The following CDH18 variants were observed in gnomAD, a reference collection of about 807,000 sequenced individuals.
CDH18 encodes cadherin-18.
In CDH18, 31 loss-of-function variants were observed where a neutral mutation model predicts 67.9. That is an observed-to-expected ratio of 0.46 (90% CI 0.34 to 0.62). The LOEUF (loss-of-function observed/expected upper bound fraction) is 0.62. Ranked by LOEUF, CDH18 falls within the 20% of genes least tolerant of loss-of-function variation. The pLI is 0.01. For synonymous variants in CDH18, 362 were observed against 347.2 expected, an observed-to-expected ratio of 1.04 and a Z score of -0.48; for missense variants, 890 against 975.5, an observed-to-expected ratio of 0.91 and a Z score of 1.17.
At chr5:20,172,130 C>T (rs981940955) in intron 2 of CDH18, among the ~76,000 whole-genome samples, 18 of 136,504 alleles carry the variant, frequency 1.3e-4, no homozygotes, top group African/African-American at 4.9e-4. Context: ...TTATCACATG[C>T]CTTTTCAACA....
At chr5:19,554,727 G>T (rs1425532777) in intron 8 of CDH18, among the ~76,000 whole-genome samples, 1 of 152,112 alleles carries the variant, frequency 6.6e-6, no homozygotes, top group South Asian at 2.1e-4. Flanking sequence ...AGCCTGGTTT[G>T]GTCACAAGAT....
chr5:19,801,529 T>C (rs1370607201), intron 3 of CDH18, among the ~76,000 whole-genome samples: 1 of 152,224 alleles, frequency 6.6e-6, no homozygotes, highest in Non-Finnish European at 1.5e-5. Flanking sequence ...ACTTAATTGA[T>C]CTGAATGTAT....
chr5:19,542,525 G>A (rs182061985), intron 9 of CDH18, among the ~76,000 whole-genome samples: 9 of 151,068 alleles, frequency 6.0e-5, no homozygotes, highest in Admixed American at 1.3e-4. Context: ...TGTTTGTCAA[G>A]TAAAGAATGG....
intron 1 of CDH18, among the ~76,000 whole-genome samples, chr5:20,347,005 C>T (rs955371451): frequency 8.5e-5 from 13 of 152,074 alleles, no homozygotes; most frequent in African/African-American, 2.9e-4. Context: ...TTTATGTTAA[C>T]TCCTAAGGAG....
chr5:20,137,375 G>A (rs1367311558), intron 2 of CDH18, among the ~76,000 whole-genome samples: 3 of 151,732 alleles, frequency 2.0e-5, no homozygotes, highest in South Asian at 2.1e-4. Context: ...TGATTGAATC[G>A]GCTACTGAAG....
chr5:19,929,179 C>T (rs1911845), intron 2 of CDH18, among the ~76,000 whole-genome samples: 20,486 of 152,028 alleles, frequency 0.13, 3,823 homozygotes, highest in African/African-American at 0.41. Flanking sequence ...GACTCATCTT[C>T]GTGACTAGCA....
At chr5:19,855,400 T>C (rs1433944413) in intron 2 of CDH18, among the ~76,000 whole-genome samples, 1 of 151,564 alleles carries the variant, frequency 6.6e-6, no homozygotes. Flanking sequence ...ATATGATAAA[T>C]TTATAGTATC....
chr5:19,557,504 G>C (rs999394035), intron 8 of CDH18, among the ~76,000 whole-genome samples: 2 of 151,774 alleles, frequency 1.3e-5, no homozygotes, highest in African/African-American at 4.8e-5. Flanking sequence ...CAGAGAAGAT[G>C]AACTTTAAAG....
intron 5 of CDH18, among the ~76,000 whole-genome samples, chr5:19,662,801 C>G (rs1757369123): frequency 1.3e-5 from 2 of 151,978 alleles, no homozygotes; most frequent in South Asian, 4.1e-4. Flanking sequence ...AAAATTATAG[C>G]ACTCTGTACC....
intron 11 of CDH18, among the ~76,000 whole-genome samples, chr5:19,489,308 T>C (rs891829211): frequency 6.1e-5 from 9 of 147,602 alleles, no homozygotes; most frequent in East Asian, 2.0e-4. Flanking sequence ...AGTGCAGTGG[T>C]GCAATCTTGG....
At chr5:19,905,502 T>C (rs551119759) in intron 2 of CDH18, among the ~76,000 whole-genome samples, 1 of 151,890 alleles carries the variant, frequency 6.6e-6, no homozygotes, top group Non-Finnish European at 1.5e-5. Context: ...TTAAAATATA[T>C]ATAATTTATA....
chr5:20,526,754 G>A (rs1265456398), intron 1 of CDH18, among the ~76,000 whole-genome samples: 2 of 151,990 alleles, frequency 1.3e-5, no homozygotes, highest in African/African-American at 2.4e-5. Context: ...CCATCCAAAG[G>A]TCAGCAGCTT....
intron 2 of CDH18, among the ~76,000 whole-genome samples, chr5:19,931,060 A>G (rs368356082): frequency 1.6e-3 from 241 of 152,198 alleles, no homozygotes; most frequent in African/African-American, 5.5e-3. Context: ...TAAGTAGACA[A>G]ATAGTATTAG....
rs565891794 is a variant in CDH18, at chr5:20,447,606, T to TACAGTGTGG, written c.-580+127855_-580+127856insCCACACTGT. Among the ~76,000 whole-genome samples the TACAGTGTGG allele has an allele frequency of 5.3e-5, 8 of 152,300 alleles. No homozygotes were observed. In the South Asian group the frequency reaches 1.5e-3, roughly 28 times the overall value. Reference sequence around the variant, plus strand: ...CTAGAAGTTAACCAGTCTCACATATTTTTTACAGCACCACAAATGGACTAA... The same window carrying TACAGTGTGG: ...CTAGAAGTTAACCAGTCTCACATATTACAGTGTGGTTTTACAGCACCACAAATGGACTAA... On this transcript the variant is annotated intron_variant, in intron 1 of 14. Transcript: ENST00000507958.
chr5:19,662,304 C>A (rs967150269), intron 5 of CDH18, among the ~76,000 whole-genome samples: 1 of 152,042 alleles, frequency 6.6e-6, no homozygotes, highest in Middle Eastern at 3.4e-3. Flanking sequence ...TTTAGGCCAA[C>A]ATGTTCTTCA....
chr5:20,277,409 A>T (rs183803453), intron 1 of CDH18, among the ~76,000 whole-genome samples: 93 of 152,278 alleles, frequency 6.1e-4, no homozygotes, highest in African/African-American at 2.2e-3. Context: ...CCACCCAGGC[A>T]GCACCTCTAT....
In CDH18 at chr5:19,633,154, G is replaced by A. The variant is rs755386942; in HGVS notation, c.644-20553C>T. Among the ~76,000 whole-genome samples the A allele has an allele frequency of 1.3e-4, 20 of 152,230 alleles. 1 individual carries two copies. The highest frequency in any genetic ancestry group is 7.8e-4 in the Admixed American group (12 of 15,288). On this transcript the variant is annotated intron_variant, in intron 5 of 12. Transcript: ENST00000382275. ...CTTTCTTCTCTAGTGGATTTACTACGTAGTGTCTTCAACTTTTACACTTCA... is the reference window on the plus strand; with the variant it reads ...CTTTCTTCTCTAGTGGATTTACTACATAGTGTCTTCAACTTTTACACTTCA...
At chr5:20,354,045 G>A (rs900403502) in intron 1 of CDH18, among the ~76,000 whole-genome samples, 7 of 152,150 alleles carry the variant, frequency 4.6e-5, no homozygotes, top group Non-Finnish European at 1.0e-4. Context: ...TAAAGAAAGT[G>A]TAACTACAAT....
intron 1 of CDH18, among the ~76,000 whole-genome samples, chr5:20,288,741 A>C (rs1430418276): frequency 6.6e-6 from 1 of 151,892 alleles, no homozygotes; most frequent in Non-Finnish European, 1.5e-5. Context: ...CTGTACACTT[A>C]CATGCACACA....
Sources: gnomAD v4.1 joint callset for allele counts (sites outside exome capture counted in the v4.1 genomes callset) on GRCh38, gnomAD v4.1.1 for gene constraint, MANE v1.5 for transcripts, NCBI Gene and HGNC (gene_info 2026-07-23, HGNC 2026-07-21) for gene names.